The following GAK variants were observed in gnomAD, a reference collection of about 807,000 sequenced individuals.
GAK encodes the protein cyclin-G-associated kinase.
GAK carries 79 observed loss-of-function variants against 143.9 expected under a neutral mutation model. The observed-to-expected ratio is 0.55, with a 90% CI of 0.46 to 0.66. GAK has a LOEUF of 0.66. GAK is among the 30% of genes least tolerant of loss of function. The probability of loss-of-function intolerance (pLI) is 0.00; values close to 1 mark genes in which losing one functional copy is unlikely to be tolerated. For missense variants in GAK, 1,693 were observed against 1,779.7 expected (o/e 0.95, Z 0.88); for synonymous variants, 881 against 765.5 (o/e 1.15, Z -2.49).
At chr4:871,317 G>A (rs60523283) in intron 18 of GAK, among the ~76,000 whole-genome samples, 38,347 of 152,160 alleles carry the variant, frequency 0.25, 4,935 homozygotes, top group Non-Finnish European at 0.27. Flanking sequence ...CAGCTCTGAG[G>A]TGGGACCCCA....
At position 912,810 on chromosome 4, in the gene GAK, GCACACA is replaced by G. The variant is rs775748324; in HGVS notation, c.208-22_208-17del. The G allele has an allele frequency of 6.2e-7, 1 of 1,609,684 alleles. No individual in the cohort carries two copies. ...ATAATAGCCTCTGTATCAGGAAACA[GCACACA>G]CAAAAGATGAAAGCAAGTTTACCTT... On this transcript the variant is annotated splice_polypyrimidine_tract_variant and intron_variant, in intron 2 of 27. Transcript: ENST00000314167.
Position 881,595 on chromosome 4 carries a change from C to T in GAK, c.1661+312G>A, listed in dbSNP as rs571672165. Among the ~76,000 whole-genome samples, 7 of 152,310 alleles carry T rather than the reference C, an allele frequency of 4.6e-5. No homozygotes were observed. The South Asian group carries it at 1.0e-3, about 23-fold the overall frequency. On this transcript the variant is annotated intron_variant, in intron 15 of 27. Transcript: ENST00000314167. ...CGGCACCTGTGTCAGGTGCTCCACA[C>T]GGCATTTTCACGTGCATTATCCACC...
chr4:881,857 C>A, intron 15 of GAK, 50 bp downstream of exon 15: 7 of 1,522,260 alleles, frequency 4.6e-6, no homozygotes, highest in Non-Finnish European at 6.2e-6. Context: ...GGCGGCAGTG[C>A]CACACGGGCC....
intron 24 of GAK, among the ~76,000 whole-genome samples, chr4:856,149 TCACCACACCTGCTCAC>T (rs1749083291): frequency 6.8e-6 from 1 of 148,096 alleles, no homozygotes; most frequent in Non-Finnish European, 1.5e-5. Flanking sequence ...CCACAGCTGC[TCACCACACCTGCTCAC>T]CACCACAGCT....
rs770588146 is a variant in GAK, at chr4:849,766, C to T, written c.3843G>A (p.Gly1281=). The T allele has an allele frequency of 5.0e-6, 8 of 1,612,536 alleles. No individual in the cohort carries two copies. The Admixed American group carries it at 1.0e-4, about 20-fold the overall frequency. The stretch of plus-strand genomic sequence containing the variant: ...TCTTGGCGTGCTGCTCGTACGGCTG[C>T]CCCGCAGCCTATGGGTGACAGGCGG... ...VLAVHPDKAA[G]QPYEQHAKMI... is the part of the protein sequence containing the mutation. The change falls in exon 28 of 28, where the codon GGG becomes GGA. Residue 1281 remains glycine (G), a synonymous_variant. Coordinates refer to ENST00000314167, the MANE Select transcript of GAK (RefSeq NM_005255.4).
chr4:919,654 C>T (rs970340051), intron 1 of GAK, among the ~76,000 whole-genome samples: 6 of 152,252 alleles, frequency 3.9e-5, no homozygotes, highest in Admixed American at 3.9e-4. Context: ...TTCTGCGATG[C>T]CTTCCCTAAT....
In GAK at chr4:859,544, G is replaced by A. The variant is rs570425711; in HGVS notation, c.3283+62C>T. The A allele has an allele frequency of 4.4e-6, 7 of 1,590,164 alleles. No homozygotes were observed. In the East Asian group the frequency reaches 1.4e-4, roughly 31 times the overall value. On this transcript the variant is annotated intron_variant, in intron 24 of 27. Transcript: ENST00000314167. ...ACTTTGGGCAGCTCAGAGTCAGATA[G>A]ACGAGAATAAACCTCCTACAAGGAA... is the stretch of plus-strand genomic sequence containing the variant.
intron 2 of GAK, among the ~76,000 whole-genome samples, chr4:913,338 G>C (rs1324136546): frequency 6.6e-6 from 1 of 152,200 alleles, no homozygotes; most frequent in Non-Finnish European, 1.5e-5. Flanking sequence ...TGGAGGCCAA[G>C]AGGGCATGAC....
chr4:913,793 C>T, intron 1 of GAK, 125 bp from the exon 2 acceptor site: 2 of 788,078 alleles, frequency 2.5e-6, no homozygotes, highest in South Asian at 1.5e-5. Context: ...TTCTACAAAA[C>T]ATAATGGCCC....
At chr4:863,820 C>T (rs1384696321) in intron 23 of GAK, among the ~76,000 whole-genome samples, 18 of 151,270 alleles carry the variant, frequency 1.2e-4, no homozygotes, top group South Asian at 1.0e-3. Flanking sequence ...GTCAGGAGTT[C>T]GAGACCAGCC....
intron 14 of GAK, 85 bp downstream of exon 14, chr4:882,612 G>A (rs1308530434): frequency 2.0e-6 from 3 of 1,521,732 alleles, no homozygotes; most frequent in Non-Finnish European, 2.7e-6. Context: ...CCCAGCTCAT[G>A]ACTGGCGCTC....
In GAK at chr4:849,450, G is replaced by A. The variant is rs1177799722; in HGVS notation, c.*223C>T. 7 of 570,226 alleles carry A rather than the reference G, an allele frequency of 1.2e-5. No individual in the cohort carries two copies. Among genetic ancestry groups the A allele is most frequent in the South Asian group, 8.7e-5 (4 of 45,774 alleles). 35.3% of individuals were successfully genotyped at this position (570,226 alleles called of 1,614,324 possible). On this transcript the variant is annotated 3_prime_UTR_variant, in exon 28 of 28. Coordinates refer to ENST00000314167, the MANE Select transcript of GAK (RefSeq NM_005255.4). The stretch of plus-strand genomic sequence containing the variant: ...GACGTGACAATTGCGGGAGGAGCAT[G>A]AATCAGCTGTTCCTTCGGGAGGAGA...
intron 10 of GAK, among the ~76,000 whole-genome samples, chr4:889,426 T>C (rs1024111646): frequency 1.3e-5 from 2 of 150,590 alleles, no homozygotes; most frequent in Non-Finnish European, 3.0e-5. Flanking sequence ...ACAGGCGGCT[T>C]TGGTGGCACA....
At chr4:912,470 G>A in intron 3 of GAK, 2 of 433,016 alleles carry the variant, frequency 4.6e-6, no homozygotes, top group Non-Finnish European at 8.6e-6. Flanking sequence ...CATCCACTGG[G>A]CAGGGAGACC....
chr4:926,454 C>T (rs1163408594), intron 1 of GAK, among the ~76,000 whole-genome samples: 1 of 152,188 alleles, frequency 6.6e-6, no homozygotes, highest in Admixed American at 6.5e-5. Context: ...CTCCACCACT[C>T]GACCTCTGGC....
intron 10 of GAK, 24 bp from the exon 11 acceptor site, chr4:888,994 A>G: frequency 6.2e-7 from 1 of 1,603,200 alleles, no homozygotes; most frequent in Admixed American, 1.7e-5. Context: ...CAGTCTCAGC[A>G]GGCCCCAGGT....
chr4:909,004 T>A (rs1055870208), intron 4 of GAK, among the ~76,000 whole-genome samples: 3 of 152,094 alleles, frequency 2.0e-5, no homozygotes, highest in African/African-American at 4.8e-5. Flanking sequence ...CATGCCTGGC[T>A]AATTTTTGTA....
chr4:914,927 G>T (rs1301689452), intron 1 of GAK, among the ~76,000 whole-genome samples: 3 of 77,184 alleles, frequency 3.9e-5, no homozygotes, highest in Non-Finnish European at 7.3e-5. Flanking sequence ...AGCATATACG[G>T]CCCCCAACAC....
intron 27 of GAK, 58 bp from the exon 28 acceptor site, chr4:849,832 G>GGGGGCC: frequency 1.6e-6 from 2 of 1,256,602 alleles, no homozygotes; most frequent in Non-Finnish European, 2.2e-6. Flanking sequence ...GGGCGGGGCA[G>GGGGGCC]GACCCCCCCC....
Sources: allele counts gnomAD v4.1 joint callset (sites outside exome capture counted in the v4.1 genomes callset), GRCh38; gene constraint gnomAD v4.1.1; transcripts MANE v1.5; gene names NCBI Gene and HGNC (gene_info 2026-07-23, HGNC 2026-07-21).